Variants in SLX4IP observed in about 807,000 individuals in gnomAD.
SLX4IP encodes protein SLX4IP.
In SLX4IP, 34 loss-of-function variants were observed where a neutral mutation model predicts 32.9. The ratio of observed to expected loss-of-function variants is 1.03; its 90% CI spans 0.79 to 1.38. The LOEUF (loss-of-function observed/expected upper bound fraction) is 1.38. Ranked by LOEUF, SLX4IP falls within the 40% of genes most tolerant of loss-of-function variation. The pLI, the probability that SLX4IP is intolerant of heterozygous loss-of-function variation, is 0.00. For synonymous variants in SLX4IP, 172 were observed against 171.7 expected (o/e 1.00, Z -0.01); for missense variants, 444 against 479.0 (o/e 0.93, Z 0.68).
In SLX4IP at chr20:10,623,340, C is replaced by T. The variant is rs2067138964; in HGVS notation, c.1188C>T (p.Ser396=). 2 of 1,612,308 alleles carry T rather than the reference C, an allele frequency of 1.2e-6. No homozygotes were observed. Among genetic ancestry groups the T allele is most frequent in the Non-Finnish European group, 8.5e-7 (1 of 1,179,404 alleles). ...AAAGATTATCTACAATTCAGAACAG[C>T]CCAACCAAGAAAAGAAAGAAATACG... ...NTERLSTIQN[S]PTKKRKKYER... The change falls in exon 8 of 8, where the codon AGC becomes AGT. Residue 396 remains serine (S), a synonymous_variant. Transcript: ENST00000334534.
At chr20:10,503,903 T>C (rs1399630302) in intron 2 of SLX4IP, among the ~76,000 whole-genome samples, 1 of 152,032 alleles carries the variant, frequency 6.6e-6, no homozygotes, top group African/African-American at 2.4e-5. Flanking sequence ...AACAGTCATA[T>C]TGGATTAAAG....
rs373339306 is a variant in SLX4IP, at chr20:10,501,104, C to T, written c.27+42873C>T. Among the ~76,000 whole-genome samples the T allele has an allele frequency of 4.2e-4, 64 of 152,106 alleles. No homozygotes were observed. The South Asian group carries it at 8.9e-3, about 21-fold the overall frequency. On this transcript the variant is annotated intron_variant, in intron 2 of 7. Coordinates refer to ENST00000334534, the MANE Select transcript of SLX4IP (RefSeq NM_001009608.3). ...AGGAATTACACCTGAAAATAAATCG[C>T]GAAAGTTCCCATATGAAGCACAAGT...
At chr20:10,498,060 C>T (rs1342683717) in intron 2 of SLX4IP, among the ~76,000 whole-genome samples, 1 of 150,932 alleles carries the variant, frequency 6.6e-6, no homozygotes, top group Non-Finnish European at 1.5e-5. Context: ...ATCTATAATT[C>T]ATGGATATAT....
intron 6 of SLX4IP, among the ~76,000 whole-genome samples, chr20:10,619,226 T>C (rs1177850998): frequency 1.3e-5 from 2 of 150,266 alleles, no homozygotes; most frequent in Non-Finnish European, 3.0e-5. Flanking sequence ...TCTTTTTTTT[T>C]TTTTTTTGAA....
At chr20:10,558,597 A>C (rs2066295469) in intron 3 of SLX4IP, among the ~76,000 whole-genome samples, 1 of 152,188 alleles carries the variant, frequency 6.6e-6, no homozygotes, top group South Asian at 2.1e-4. Context: ...TTTAGAAAAA[A>C]GAACTAATTA....
At chr20:10,470,355 G>A (rs1342617889) in intron 2 of SLX4IP, among the ~76,000 whole-genome samples, 2 of 152,160 alleles carry the variant, frequency 1.3e-5, no homozygotes, top group African/African-American at 2.4e-5. Flanking sequence ...TGGCAAAAAC[G>A]TACAGCAGCG....
At chr20:10,437,816 T>G (rs1203237105) in intron 1 of SLX4IP, among the ~76,000 whole-genome samples, 1 of 152,230 alleles carries the variant, frequency 6.6e-6, no homozygotes, top group East Asian at 1.9e-4. Context: ...CCTCATATTG[T>G]GTGTGGCAGT....
At chr20:10,514,914 A>G (rs1022481170) in intron 2 of SLX4IP, among the ~76,000 whole-genome samples, 9 of 152,148 alleles carry the variant, frequency 5.9e-5, no homozygotes, top group East Asian at 1.9e-4. Context: ...AGCAAAACCA[A>G]CTTTGGAACA....
intron 2 of SLX4IP, among the ~76,000 whole-genome samples, chr20:10,548,946 C>T (rs2066191534): frequency 6.6e-6 from 1 of 152,180 alleles, no homozygotes; most frequent in African/African-American, 2.4e-5. Context: ...CTCCCATCTC[C>T]TGACCTGTCT....
chr20:10,623,736 C>T lies in SLX4IP; in HGVS notation c.*357C>T. 4.2e-6 allele frequency: 1 copy of T among 240,600 alleles called. No homozygotes were observed. 14.9% of individuals were successfully genotyped at this position (240,600 alleles called of 1,614,324 possible). On this transcript the variant is annotated 3_prime_UTR_variant, in exon 8 of 8. Coordinates refer to ENST00000334534, the MANE Select transcript of SLX4IP (RefSeq NM_001009608.3). ...ATCACTGTGCAGACCACACAATGGA[C>T]CGTGCAAAGACAGTGCTGCCGTGCT...
rs2067145048 is a variant in SLX4IP, at chr20:10,623,916, ATGCTGAG to A, written c.*539_*545del. On this transcript the variant is annotated 3_prime_UTR_variant, in exon 8 of 8. Coordinates refer to ENST00000334534, the MANE Select transcript of SLX4IP (RefSeq NM_001009608.3). ...AAATGTGGTTATTGGGCCCTGCCCC[ATGCTGAG>A]TAACTGCCTTTGGGTGATTCTGAAA... 6.5e-6 allele frequency: 1 copy of A among 154,930 alleles called. No homozygotes were observed. The highest frequency in any genetic ancestry group is 2.4e-5 in the African/African-American group (1 of 41,474). 9.6% of individuals were successfully genotyped at this position (154,930 alleles called of 1,614,324 possible).
intron 6 of SLX4IP, among the ~76,000 whole-genome samples, chr20:10,607,012 C>T (rs80230512): frequency 0.071 from 10,802 of 152,022 alleles, 632 homozygotes; most frequent in South Asian, 0.24. Flanking sequence ...TCTCTGCTTT[C>T]GATGATGTTG....
chr20:10,580,451 C>T (rs1267344094), intron 4 of SLX4IP, among the ~76,000 whole-genome samples: 1 of 151,556 alleles, frequency 6.6e-6, no homozygotes, highest in African/African-American at 2.4e-5. Flanking sequence ...GAGGATCTCC[C>T]TCCTCCCAAT....
At chr20:10,473,998 T>C (rs1445117810) in intron 2 of SLX4IP, among the ~76,000 whole-genome samples, 3 of 152,122 alleles carry the variant, frequency 2.0e-5, no homozygotes, top group Non-Finnish European at 4.4e-5. Flanking sequence ...AATTTTTGTA[T>C]TTTTAGTAGA....
chr20:10,456,702 GT>G (rs939129578), intron 1 of SLX4IP, among the ~76,000 whole-genome samples: 11 of 152,216 alleles, frequency 7.2e-5, no homozygotes, highest in African/African-American at 2.6e-4. Context: ...TTTCAGTATT[GT>G]TTTTGTTACT....
At chr20:10,474,357 A>G (rs2065455234) in intron 2 of SLX4IP, among the ~76,000 whole-genome samples, 1 of 152,238 alleles carries the variant, frequency 6.6e-6, no homozygotes, top group Non-Finnish European at 1.5e-5. Flanking sequence ...GTCCAAAATA[A>G]TATTGAGAGA....
intron 2 of SLX4IP, among the ~76,000 whole-genome samples, chr20:10,473,222 A>G (rs2122365594): frequency 6.6e-6 from 1 of 152,312 alleles, no homozygotes; most frequent in African/African-American, 2.4e-5. Context: ...GAGACTGGGC[A>G]TGCACTTCTA....
intron 5 of SLX4IP, 105 bp from the exon 6 acceptor site, chr20:10,601,626 G>T: frequency 1.2e-6 from 1 of 832,996 alleles, no homozygotes; most frequent in Non-Finnish European, 2.0e-6. Flanking sequence ...GTTTTATATG[G>T]ATGTGCATAT....
intron 2 of SLX4IP, among the ~76,000 whole-genome samples, chr20:10,525,188 T>C (rs2065931167): frequency 6.6e-6 from 1 of 152,232 alleles, no homozygotes. Context: ...TTTATGTGTA[T>C]ATCATTTAAA....
Sources: allele counts gnomAD v4.1 joint callset (sites outside exome capture counted in the v4.1 genomes callset), GRCh38; gene constraint gnomAD v4.1.1; transcripts MANE v1.5; gene names NCBI Gene and HGNC (gene_info 2026-07-23, HGNC 2026-07-21).